The following SLC24A2 variants were observed in gnomAD, a reference collection of about 807,000 sequenced individuals.
The protein encoded by SLC24A2 is solute carrier family 24 member 2.
In SLC24A2, 36 loss-of-function variants were observed where a neutral mutation model predicts 62.0. That is an observed-to-expected ratio of 0.58 (90% confidence interval 0.44 to 0.77). The LOEUF is 0.77. Ranked by LOEUF, SLC24A2 falls within the 30% of genes least tolerant of loss-of-function variation. SLC24A2 has a pLI of 0.00. For missense variants in SLC24A2, 846 were observed against 817.9 expected, an observed-to-expected ratio of 1.03 and a Z score of -0.42; for synonymous variants, 358 against 294.0, an observed-to-expected ratio of 1.22 and a Z score of -2.23.
At position 19,515,781 on chromosome 9, in the gene SLC24A2, C is replaced by T. The variant is rs934813995; in HGVS notation, c.*372G>A. 3 of 307,038 alleles carry T rather than the reference C, an allele frequency of 9.8e-6. No homozygotes were observed. The Admixed American group carries it at 1.3e-4, about 13-fold the overall frequency. The allele number at this position is 307,038 out of a possible 1,614,324, so 19.0% of individuals were successfully genotyped here. A position where few individuals can be genotyped will look rare whatever the true frequency, so the allele number is the denominator to read the frequency against. ...TGCAAGGAGAGGTATAGTACAGGAACAGGCAGGATTTGTGTGTTCATGTGC... is the reference window on the plus strand; with the variant it reads ...TGCAAGGAGAGGTATAGTACAGGAATAGGCAGGATTTGTGTGTTCATGTGC... On this transcript the variant is annotated 3_prime_UTR_variant, in exon 11 of 11. Coordinates refer to ENST00000341998, the MANE Select transcript of SLC24A2 (RefSeq NM_020344.4).
chr9:20,144,530 G>C, the SLC24A2 span, among the ~76,000 whole-genome samples: 1 of 152,100 alleles, frequency 6.6e-6, no homozygotes, highest in Non-Finnish European at 1.5e-5. Context: ...TTTTCAGCTT[G>C]CTTCTTGTCA....
rs1361900511 is a variant in SLC24A2, at chr9:19,511,662, C to T, written c.*4491G>A. The stretch of plus-strand genomic sequence containing the variant: ...ATCTTTTAAAAATATTAAGCCGGAT[C>T]GTTAAGGAATATGTGGCTTAGCAAG... On this transcript the variant is annotated 3_prime_UTR_variant, in exon 11 of 11. Transcript: ENST00000341998. 2 of 152,124 alleles carry T rather than the reference C, an allele frequency of 1.3e-5. No homozygotes were observed. The highest frequency in any genetic ancestry group is 2.4e-5 in the African/African-American group (1 of 41,396). The allele number at this position is 152,124 out of a possible 1,614,324, so 9.4% of individuals were successfully genotyped here. A position where few individuals can be genotyped will look rare whatever the true frequency, so the allele number is the denominator to read the frequency against.
intron 2 of SLC24A2, among the ~76,000 whole-genome samples, chr9:19,742,490 G>C (rs1173741359): frequency 6.6e-6 from 1 of 152,184 alleles, no homozygotes; most frequent in African/African-American, 2.4e-5. Context: ...AACTTCAGGA[G>C]AGAAAAGCCT....
the SLC24A2 span, among the ~76,000 whole-genome samples, chr9:20,245,073 T>TA: frequency 9.9e-5 from 15 of 151,282 alleles, no homozygotes; most frequent in East Asian, 1.9e-4. Context: ...ATGGGAAAAA[T>TA]AAAAAAAAAT....
intron 7 of SLC24A2, among the ~76,000 whole-genome samples, chr9:19,551,690 C>A (rs532424958): frequency 6.6e-6 from 1 of 152,188 alleles, no homozygotes; most frequent in Non-Finnish European, 1.5e-5. Context: ...CCTCCAGCAC[C>A]TGTGTCCCTA....
chr9:20,001,222 G>C, the SLC24A2 span, among the ~76,000 whole-genome samples: 2 of 152,202 alleles, frequency 1.3e-5, no homozygotes, highest in African/African-American at 4.8e-5. Context: ...CAATGAGTGG[G>C]CTGAGGATAG....
At chr9:19,542,796 G>C (rs539780729) in intron 8 of SLC24A2, among the ~76,000 whole-genome samples, 26 of 152,254 alleles carry the variant, frequency 1.7e-4, no homozygotes, top group South Asian at 1.2e-3. Context: ...CACCTTGATG[G>C]TGGTGCATAA....
chr9:19,974,466 T>C, the SLC24A2 span, among the ~76,000 whole-genome samples: 1 of 152,214 alleles, frequency 6.6e-6, no homozygotes, highest in Non-Finnish European at 1.5e-5. Flanking sequence ...ATGTACTCTT[T>C]ACAGTTTTGC....
At chr9:19,564,046 T>C (rs927317166) in intron 7 of SLC24A2, among the ~76,000 whole-genome samples, 1 of 151,162 alleles carries the variant, frequency 6.6e-6, no homozygotes, top group African/African-American at 2.4e-5. Flanking sequence ...GTAGAGAGAG[T>C]GTTTTTGTGA....
At chr9:19,570,729 G>T (rs957577168) in intron 7 of SLC24A2, among the ~76,000 whole-genome samples, 1 of 152,146 alleles carries the variant, frequency 6.6e-6, no homozygotes, top group African/African-American at 2.4e-5. Flanking sequence ...AAGTACTGTT[G>T]CTATCTGCAC....
chr9:20,230,149 C>T, the SLC24A2 span, among the ~76,000 whole-genome samples: 7 of 152,066 alleles, frequency 4.6e-5, no homozygotes, highest in Non-Finnish European at 1.0e-4. Context: ...GACATTTAGG[C>T]TAGTTCCAAG....
chr9:19,639,258 T>C (rs1035340477), intron 2 of SLC24A2, among the ~76,000 whole-genome samples: 3 of 152,254 alleles, frequency 2.0e-5, no homozygotes, highest in Admixed American at 6.5e-5. Context: ...GTTTGCAAAA[T>C]GGCTGCAATT....
chr9:19,975,866 A>G, the SLC24A2 span, among the ~76,000 whole-genome samples: 9 of 151,430 alleles, frequency 5.9e-5, no homozygotes, highest in South Asian at 6.3e-4. Context: ...AAATATTTAG[A>G]AAAAAAAATA....
chr9:20,235,133 C>G, the SLC24A2 span, among the ~76,000 whole-genome samples: 2 of 152,178 alleles, frequency 1.3e-5, no homozygotes, highest in Non-Finnish European at 2.9e-5. Flanking sequence ...TCAGTCCGCC[C>G]CTACTGGGGG....
At chr9:20,118,258 G>A in the SLC24A2 span, among the ~76,000 whole-genome samples, 1 of 152,110 alleles carries the variant, frequency 6.6e-6, no homozygotes, top group East Asian at 1.9e-4. Context: ...GCCACTACCA[G>A]TATGTACCTT....
At chr9:20,032,056 G>T in the SLC24A2 span, among the ~76,000 whole-genome samples, 1 of 152,162 alleles carries the variant, frequency 6.6e-6, no homozygotes, top group Non-Finnish European at 1.5e-5. Context: ...CTGACTATGC[G>T]TCTAGTCTGA....
intron 2 of SLC24A2, among the ~76,000 whole-genome samples, chr9:19,721,985 T>C (rs1368378353): frequency 6.6e-6 from 1 of 152,158 alleles, no homozygotes; most frequent in African/African-American, 2.4e-5. Flanking sequence ...AATATAAGGT[T>C]ATTTTGCATA....
chr9:20,258,764 T>TTTTC, the SLC24A2 span, among the ~76,000 whole-genome samples: 1 of 139,622 alleles, frequency 7.2e-6, no homozygotes, highest in African/African-American at 2.8e-5. Context: ...CTCCTCTCAT[T>TTTTC]TATCTATCTA....
At chr9:19,734,395 T>G (rs879051404) in intron 2 of SLC24A2, among the ~76,000 whole-genome samples, 7 of 152,182 alleles carry the variant, frequency 4.6e-5, no homozygotes, top group African/African-American at 1.7e-4. Flanking sequence ...ATATGAACTT[T>G]AAAGTAGTTT....
Sources: allele counts gnomAD v4.1 joint callset (sites outside exome capture counted in the v4.1 genomes callset), GRCh38; gene constraint gnomAD v4.1.1; transcripts MANE v1.5; gene names NCBI Gene and HGNC (gene_info 2026-07-23, HGNC 2026-07-21).